Variants in HSBP1 observed in about 807,000 individuals in gnomAD.
HSBP1 encodes the protein heat shock factor-binding protein 1.
A neutral mutation model predicts 9.6 loss-of-function variants in HSBP1; 5 were observed. The ratio of observed to expected loss-of-function variants is 0.52; its 90% CI spans 0.27 to 1.09. The LOEUF (loss-of-function observed/expected upper bound fraction) is 1.09. Among genes scored for constraint, HSBP1 ranks in the 50% least tolerant of loss-of-function variants. The pLI is 0.11. For missense variants in HSBP1, 121 were observed against 96.3 expected (o/e 1.26, Z -1.07); for synonymous variants, 42 against 33.3 (o/e 1.26, Z -0.90).
In HSBP1 at chr16:83,814,919, T is replaced by G. The variant is rs1904684067; in HGVS notation, c.*3501T>G. On this transcript the variant is annotated 3_prime_UTR_variant, in exon 4 of 4. Transcript: ENST00000433866. ...ATACCTGTCCTGTCTCCCACAAAAATTATTGCTTGAGGCCCAACCCGGGGG... is the reference window on the plus strand; with the variant it reads ...ATACCTGTCCTGTCTCCCACAAAAAGTATTGCTTGAGGCCCAACCCGGGGG... 6.6e-6 allele frequency: 1 copy of G among 151,632 alleles called. No individual in the cohort carries two copies. The highest frequency in any genetic ancestry group is 2.1e-4 in the South Asian group (1 of 4,796). The allele number at this position is 151,632 out of a possible 1,614,324, so 9.4% of individuals were successfully genotyped here. A position where few individuals can be genotyped will look rare whatever the true frequency, so the allele number is the denominator to read the frequency against.
rs1904731896 is a variant in HSBP1 at position 83,816,806 on chromosome 16, G to C, written c.*5388G>C. ...CCATTCATGAGACCACCTGAGCCTG[G>C]TGTAACGGTTCTGCTGATAGTTTCC... On this transcript the variant is annotated 3_prime_UTR_variant, in exon 4 of 4. Transcript: ENST00000433866. The C allele has an allele frequency of 6.6e-6, 1 of 152,202 alleles. No individual in the cohort carries two copies. 9.4% of individuals were successfully genotyped at this position (152,202 alleles called of 1,614,324 possible).
rs1254261537 is a variant in HSBP1 at position 83,808,075 on chromosome 16, A to T, written c.-2A>T. On this transcript the variant is annotated 5_prime_UTR_variant, in exon 1 of 4. Transcript: ENST00000433866. ...ATCACCGCCAAGCTGGGCATCGGGG[A>T]GATGGCCGAGACTGACCCCAAGACC... is the stretch of plus-strand genomic sequence containing the variant. The T allele has an allele frequency of 7.1e-6, 11 of 1,544,176 alleles. No homozygotes were observed. The highest frequency in any genetic ancestry group is 9.6e-6 in the Non-Finnish European group (11 of 1,143,520).
Position 83,814,450 on chromosome 16 carries a change from C to T in HSBP1, c.*3032C>T, listed in dbSNP as rs1158506839. The T allele has an allele frequency of 3.3e-5, 5 of 151,984 alleles. No homozygotes were observed. The East Asian group carries it at 9.7e-4, about 29-fold the overall frequency. The allele number at this position is 151,984 out of a possible 1,614,324, so 9.4% of individuals were successfully genotyped here. A position where few individuals can be genotyped will look rare whatever the true frequency, so the allele number is the denominator to read the frequency against. ...GCTGCACACCTGCACCGCTCACAAACACAGCTGACCGTCTCACAGCTGCAC... is the reference window on the plus strand; with the variant it reads ...GCTGCACACCTGCACCGCTCACAAATACAGCTGACCGTCTCACAGCTGCAC... On this transcript the variant is annotated 3_prime_UTR_variant, in exon 4 of 4. Coordinates refer to ENST00000433866, the MANE Select transcript of HSBP1 (RefSeq NM_001537.4).
At chr16:83,809,511 C>T (rs1904551414) in intron 3 of HSBP1, 86 bp downstream of exon 3, 1 of 699,322 alleles carries the variant, frequency 1.4e-6, no homozygotes, top group Non-Finnish European at 2.3e-6. Context: ...TCTTGTTGCC[C>T]AGGCTGGAGT....
At position 83,809,313 on chromosome 16, in the gene HSBP1, A is replaced by G. The variant is rs1300133091; in HGVS notation, c.121A>G (p.Met41Val). The change falls in exon 3 of 4, where the codon ATG becomes GTG. Residue 41 changes from methionine (M) to valine (V), a missense_variant. Met to Val is a conservative substitution (Grantham distance 21). Coordinates refer to ENST00000433866, the MANE Select transcript of HSBP1 (RefSeq NM_001537.4). ...SDQIIGRIDD[M>V]SSRIDDLEKN... Reference sequence around the variant, plus strand: ...GTCTTTAACTTCAGCACTTGATGATATGAGTAGTCGCATTGATGATCTGGA... The same window carrying G: ...GTCTTTAACTTCAGCACTTGATGATGTGAGTAGTCGCATTGATGATCTGGA... The G allele has an allele frequency of 2.5e-6, 4 of 1,586,350 alleles. No homozygotes were observed. The highest frequency in any genetic ancestry group is 1.3e-5 in the African/African-American group (1 of 74,262).
At position 83,817,730 on chromosome 16, in the gene HSBP1, A is replaced by G. The variant is rs1904753500; in HGVS notation, c.*6312A>G. ...AGTTAATTTTGATGGGCTATGGATA[A>G]TCATCAGAAGAGCCATTTCTGGAAA... On this transcript the variant is annotated 3_prime_UTR_variant, in exon 4 of 4. Transcript: ENST00000433866. The G allele has an allele frequency of 6.6e-6, 1 of 152,220 alleles. No individual in the cohort carries two copies. The highest frequency in any genetic ancestry group is 2.1e-4 in the South Asian group (1 of 4,836). The allele number at this position is 152,220 out of a possible 1,614,324, so 9.4% of individuals were successfully genotyped here. A position where few individuals can be genotyped will look rare whatever the true frequency, so the allele number is the denominator to read the frequency against.
Position 83,811,448 on chromosome 16 carries a change from G to T in HSBP1, c.*30G>T, listed in dbSNP as rs777419639. 2 of 152,134 alleles carry T rather than the reference G, an allele frequency of 1.3e-5. No homozygotes were observed. The highest frequency in any genetic ancestry group is 4.8e-5 in the African/African-American group (2 of 41,414). The allele number at this position is 152,134 out of a possible 1,614,324, so 9.4% of individuals were successfully genotyped here. A position where few individuals can be genotyped will look rare whatever the true frequency, so the allele number is the denominator to read the frequency against. ...TGCTAATAATTTATACTGGAATCTG[G>T]CATTTTTCCAAGCCAAGAGAAGATC... On this transcript the variant is annotated 3_prime_UTR_variant, in exon 4 of 4. Coordinates refer to ENST00000433866, the MANE Select transcript of HSBP1 (RefSeq NM_001537.4).
intron 3 of HSBP1, among the ~76,000 whole-genome samples, chr16:83,810,121 A>G (rs892664446): frequency 2.0e-5 from 3 of 151,568 alleles, no homozygotes; most frequent in African/African-American, 4.9e-5. Flanking sequence ...TTTTATGGAA[A>G]TAACTGATAA....
Position 83,812,937 on chromosome 16 carries a change from G to C in HSBP1, c.*1519G>C, listed in dbSNP as rs1904634385. On this transcript the variant is annotated 3_prime_UTR_variant, in exon 4 of 4. Coordinates refer to ENST00000433866, the MANE Select transcript of HSBP1 (RefSeq NM_001537.4). ...CTCAAGTAATGGAACGATTTCAAAG[G>C]CAGGCTGCCCTGACCAAAAATATCT... The C allele has an allele frequency of 1.3e-5, 2 of 152,234 alleles. No homozygotes were observed. The highest frequency in any genetic ancestry group is 4.8e-5 in the African/African-American group (2 of 41,446). 9.4% of individuals were successfully genotyped at this position (152,234 alleles called of 1,614,324 possible).
chr16:83,809,457 C>CTTTTA, intron 3 of HSBP1, 32 bp downstream of exon 3: 2 of 645,776 alleles, frequency 3.1e-6, no homozygotes, highest in Non-Finnish European at 4.8e-6. Context: ...TTTTTCTTTT[C>CTTTTA]TTTTCTTTTT....
In HSBP1 at chr16:83,816,439, A is replaced by T. The variant is rs1567609620; in HGVS notation, c.*5021A>T. ...AAAAAAATAAATAAAAAATAAAAAG[A>T]CCCAACCCCAGATTTGTTCCACCTG... is the stretch of plus-strand genomic sequence containing the variant. On this transcript the variant is annotated 3_prime_UTR_variant, in exon 4 of 4. Transcript: ENST00000433866. 6.6e-6 allele frequency: 1 copy of T among 152,032 alleles called. No homozygotes were observed. The highest frequency in any genetic ancestry group is 2.1e-4 in the South Asian group (1 of 4,824). 9.4% of individuals were successfully genotyped at this position (152,032 alleles called of 1,614,324 possible).
rs568703563 is a variant in HSBP1 at position 83,817,927 on chromosome 16, AG to A, written c.*6510del. 3.3e-5 allele frequency: 5 copies of A among 152,344 alleles called. No individual in the cohort carries two copies. In the South Asian group the frequency reaches 1.0e-3, roughly 32 times the overall value. The allele number at this position is 152,344 out of a possible 1,614,324, so 9.4% of individuals were successfully genotyped here. ...AATGCTGCAAAACAATGCCCTCAAAAGAAATCAGCCTTTCCCTTTGATAGGT... is the reference window on the plus strand; with the variant it reads ...AATGCTGCAAAACAATGCCCTCAAAAAAATCAGCCTTTCCCTTTGATAGGT... On this transcript the variant is annotated 3_prime_UTR_variant, in exon 4 of 4. Transcript: ENST00000433866.
chr16:83,808,778 G>A, intron 2 of HSBP1, 32 bp downstream of exon 2: 1 of 1,553,138 alleles, frequency 6.4e-7, no homozygotes, highest in South Asian at 1.1e-5. Context: ...GGCCTCCTGT[G>A]GGCCTTTGGA....
chr16:83,813,917 C>G lies in HSBP1; in HGVS notation c.*2499C>G, dbSNP rs532771793. 1 of 152,186 alleles carries G rather than the reference C, an allele frequency of 6.6e-6. No individual in the cohort carries two copies. Among genetic ancestry groups the G allele is most frequent in the African/African-American group, 2.4e-5 (1 of 41,508 alleles). 9.4% of individuals were successfully genotyped at this position (152,186 alleles called of 1,614,324 possible). A position where few individuals can be genotyped will look rare whatever the true frequency, so the allele number is the denominator to read the frequency against. ...CACTACAAGTACAGTCATTGTTTAA[C>G]CCTATCAGGACTAACACAATATTTC... On this transcript the variant is annotated 3_prime_UTR_variant, in exon 4 of 4. Coordinates refer to ENST00000433866, the MANE Select transcript of HSBP1 (RefSeq NM_001537.4).
intron 1 of HSBP1, 121 bp downstream of exon 1, chr16:83,808,242 G>A: frequency 3.5e-6 from 3 of 860,100 alleles, no homozygotes; most frequent in Non-Finnish European, 5.3e-6. Flanking sequence ...CCCCGTTTCT[G>A]GAAGCGTCTC....
intron 1 of HSBP1, 91 bp downstream of exon 1, chr16:83,808,212 G>C (rs1238088314): frequency 1.8e-5 from 20 of 1,129,852 alleles, no homozygotes; most frequent in African/African-American, 5.0e-5. Context: ...CACCGCGGCC[G>C]CGCGTGGCGT....
In HSBP1 at chr16:83,814,157, G is replaced by A. The variant is rs746349905; in HGVS notation, c.*2739G>A. The A allele has an allele frequency of 7.2e-5, 11 of 152,298 alleles. No individual in the cohort carries two copies. Among genetic ancestry groups the A allele is most frequent in the African/African-American group, 2.4e-4 (10 of 41,558 alleles). The allele number at this position is 152,298 out of a possible 1,614,324, so 9.4% of individuals were successfully genotyped here. On this transcript the variant is annotated 3_prime_UTR_variant, in exon 4 of 4. Transcript: ENST00000433866. ...TTATATATTTTGATTAGATTAAAAT[G>A]GAGGAATTTGCAGGATGTGTTGTCA... is the stretch of plus-strand genomic sequence containing the variant.
Position 83,812,477 on chromosome 16 carries a change from A to G in HSBP1, c.*1059A>G, listed in dbSNP as rs1472487696. ...CCAGGAGTGCTAAACCTAGAGGCCA[A>G]TACTGATGACCTGGAAGGTGATCCA... On this transcript the variant is annotated 3_prime_UTR_variant, in exon 4 of 4. Transcript: ENST00000433866. 2 of 152,254 alleles carry G rather than the reference A, an allele frequency of 1.3e-5. No homozygotes were observed. Among genetic ancestry groups the G allele is most frequent in the South Asian group, 2.1e-4 (1 of 4,832 alleles). 9.4% of individuals were successfully genotyped at this position (152,254 alleles called of 1,614,324 possible). A position where few individuals can be genotyped will look rare whatever the true frequency, so the allele number is the denominator to read the frequency against.
rs1904785946 is a variant in HSBP1 at position 83,819,213 on chromosome 16, T to C, written c.*7795T>C. 1 of 152,176 alleles carries C rather than the reference T, an allele frequency of 6.6e-6. No homozygotes were observed. The highest frequency in any genetic ancestry group is 1.5e-5 in the Non-Finnish European group (1 of 68,034). 9.4% of individuals were successfully genotyped at this position (152,176 alleles called of 1,614,324 possible). ...CATGCAGGTCCCCAGGCCCCCTTTT[T>C]GTAGATCCTGATTCAGAATATCTGG... On this transcript the variant is annotated 3_prime_UTR_variant, in exon 4 of 4. Coordinates refer to ENST00000433866, the MANE Select transcript of HSBP1 (RefSeq NM_001537.4).
Sources: gnomAD v4.1 joint callset for allele counts (sites outside exome capture counted in the v4.1 genomes callset) on GRCh38, gnomAD v4.1.1 for gene constraint, MANE v1.5 for transcripts, NCBI Gene and HGNC (gene_info 2026-07-23, HGNC 2026-07-21) for gene names.